GBX1: variants seen among roughly 807,000 people sequenced by gnomAD.
GBX1 encodes the protein homeobox protein GBX-1.
GBX1 carries 9 observed loss-of-function variants against 22.9 expected under a neutral mutation model. That is an observed-to-expected ratio of 0.39 (90% CI 0.24 to 0.69). The LOEUF is 0.69. Among genes scored for constraint, GBX1 ranks in the 30% least tolerant of loss-of-function variants. GBX1 has a pLI of 0.43. For missense variants in GBX1, 494 were observed against 509.2 expected (o/e 0.97, Z 0.29); for synonymous variants, 203 against 227.3 (o/e 0.89, Z 0.96).
intron 1 of GBX1, among the ~76,000 whole-genome samples, chr7:151,155,499 C>T (rs190279747): frequency 6.6e-6 from 1 of 152,270 alleles, no homozygotes; most frequent in East Asian, 1.9e-4. Context: ...TGCTCCTACT[C>T]CTGCCTATAA....
intron 1 of GBX1, 61 bp downstream of exon 1, chr7:151,166,950 C>T: frequency 1.3e-6 from 2 of 1,554,518 alleles, no homozygotes; most frequent in Non-Finnish European, 1.8e-6. Flanking sequence ...CGAGCAGGTT[C>T]CTGTCTGGAA....
At chr7:151,150,945 T>TGG (rs1297855186) in intron 1 of GBX1, among the ~76,000 whole-genome samples, 1 of 152,222 alleles carries the variant, frequency 6.6e-6, no homozygotes, top group Non-Finnish European at 1.5e-5. Context: ...TTGCCCAGGC[T>TGG]GGCCTTGAGC....
At chr7:151,163,791 G>A (rs762177712) in intron 1 of GBX1, among the ~76,000 whole-genome samples, 3 of 151,992 alleles carry the variant, frequency 2.0e-5, no homozygotes, top group East Asian at 1.9e-4. Context: ...CTAACAGTTC[G>A]GAATTCTCTC....
chr7:151,166,949 T>G, intron 1 of GBX1, 62 bp downstream of exon 1: 1 of 1,549,964 alleles, frequency 6.5e-7, no homozygotes, highest in Non-Finnish European at 8.8e-7. Context: ...CCGAGCAGGT[T>G]CCTGTCTGGA....
At chr7:151,159,934 G>A (rs1801173192) in intron 1 of GBX1, among the ~76,000 whole-genome samples, 1 of 152,066 alleles carries the variant, frequency 6.6e-6, no homozygotes, top group African/African-American at 2.4e-5. Context: ...CCCAATCCCA[G>A]AAGACAAGCC....
At chr7:151,152,066 A>G (rs565348194) in intron 1 of GBX1, among the ~76,000 whole-genome samples, 3 of 152,326 alleles carry the variant, frequency 2.0e-5, no homozygotes, top group Admixed American at 1.3e-4. Context: ...AATAGACTAT[A>G]GCTTCGTGAA....
At chr7:151,161,017 A>G (rs1439137029) in intron 1 of GBX1, among the ~76,000 whole-genome samples, 1 of 151,990 alleles carries the variant, frequency 6.6e-6, no homozygotes, top group Non-Finnish European at 1.5e-5. Flanking sequence ...TCTCTCTTTT[A>G]TACATCTACT....
chr7:151,154,330 A>G (rs534247184), intron 1 of GBX1, among the ~76,000 whole-genome samples: 12 of 152,360 alleles, frequency 7.9e-5, no homozygotes, highest in Non-Finnish European at 1.8e-4. Flanking sequence ...TGCATGAAAA[A>G]AATTTCCTAT....
chr7:151,156,384 T>TC (rs1554474800), intron 1 of GBX1, among the ~76,000 whole-genome samples: 3 of 8,024 alleles, frequency 3.7e-4, no homozygotes, highest in African/African-American at 6.6e-4. Context: ...AGACCCTGTC[T>TC]CAAAAAAAAA....
In GBX1 at chr7:151,166,928, G is replaced by A. The variant is rs544526359; in HGVS notation, c.538+83C>T. The A allele has an allele frequency of 9.3e-6, 13 of 1,400,944 alleles. No individual in the cohort carries two copies. The African/African-American group carries it at 1.9e-4, about 20-fold the overall frequency. 86.8% of individuals were successfully genotyped at this position (1,400,944 alleles called of 1,614,324 possible). The stretch of plus-strand genomic sequence containing the variant: ...TTCAAGGCTCCAGGCAGGTGCCGAG[G>A]TGCCGAGGTTCCGAGCAGGTTCCTG... On this transcript the variant is annotated intron_variant, in intron 1 of 1. Coordinates refer to ENST00000297537, the MANE Select transcript of GBX1 (RefSeq NM_001098834.3).
intron 1 of GBX1, among the ~76,000 whole-genome samples, chr7:151,166,770 G>A (rs1187439980): frequency 6.6e-6 from 1 of 152,270 alleles, no homozygotes; most frequent in African/African-American, 2.4e-5. Flanking sequence ...TAATGTGAAG[G>A]GAGCACTGCA....
intron 1 of GBX1, among the ~76,000 whole-genome samples, chr7:151,159,305 C>G (rs567536788): frequency 4.6e-5 from 7 of 152,032 alleles, no homozygotes; most frequent in East Asian, 1.9e-4. Context: ...AGGCTGGTCT[C>G]GAACTCCTAG....
intron 1 of GBX1, among the ~76,000 whole-genome samples, chr7:151,166,488 A>ACCCCC (rs1491154351): frequency 2.0e-5 from 1 of 50,350 alleles, no homozygotes; most frequent in Non-Finnish European, 3.4e-5. Flanking sequence ...CCCCCCCCCA[A>ACCCCC]CACACACACA....
In GBX1 at chr7:151,167,267, A is replaced by T; in HGVS notation, c.282T>A (p.Ala94=). Residue 94 remains alanine, a synonymous_variant, in exon 1 of 2, where the codon GCT becomes GCA. Coordinates refer to ENST00000297537, the MANE Select transcript of GBX1 (RefSeq NM_001098834.3). This position sits in a 1 kb window ranked among gnomAD's most constrained non-coding sequence, Gnocchi z 5.9. ...TNTFCAGLGQ[A]VPSMVALTTA... is the part of the protein sequence containing the mutation. ...TGGTCAGCGCCACCATCGAGGGCAC[A>T]GCCTGACCCAGCCCCGCGCAGAAGG... 6.5e-7 allele frequency: 1 copy of T among 1,545,666 alleles called. No individual in the cohort carries two copies. Among genetic ancestry groups the T allele is most frequent in the Non-Finnish European group, 8.7e-7 (1 of 1,148,456 alleles).
At position 151,167,409 on chromosome 7, in the gene GBX1, G is replaced by C; in HGVS notation, c.140C>G (p.Pro47Arg). Residue 47 changes from proline (P) to arginine (R), a missense_variant, in exon 1 of 2, where the codon CCC (proline) becomes CGC (arginine). Around this residue, in one of 3 missense-constraint regions of GBX1, gnomAD observed 365 missense variants for 340.4 expected, o/e 1.07. Transcript: ENST00000297537. This position sits in a 1 kb window ranked among gnomAD's most constrained non-coding sequence, Gnocchi z 5.9. ...RSGHLLYTGY[P>R]MFMPYRPLVL... is the part of the protein sequence containing the mutation. ...GAGCGGCCGGTAGGGCATGAACATG[G>C]GGTAGCCGGTGTACAGCAAGTGGCC... The C allele has an allele frequency of 6.6e-7, 1 of 1,520,592 alleles. No homozygotes were observed. Among genetic ancestry groups the C allele is most frequent in the Non-Finnish European group, 8.8e-7 (1 of 1,135,500 alleles). 94.2% of individuals were successfully genotyped at this position (1,520,592 alleles called of 1,614,324 possible).
intron 1 of GBX1, among the ~76,000 whole-genome samples, chr7:151,154,931 G>C (rs1341203030): frequency 6.6e-6 from 1 of 152,224 alleles, no homozygotes; most frequent in African/African-American, 2.4e-5. Context: ...GCCTGCGCTA[G>C]AGGCACCGAG....
chr7:151,165,223 T>G (rs1186604871), intron 1 of GBX1, among the ~76,000 whole-genome samples: 1 of 152,220 alleles, frequency 6.6e-6, no homozygotes, highest in Non-Finnish European at 1.5e-5. Context: ...TCAATGTCTG[T>G]TTTTATAGCC....
In GBX1 at chr7:151,167,694, T is replaced by C. The variant is rs1460894280; in HGVS notation, c.-146A>G. 1.9e-5 allele frequency: 15 copies of C among 795,114 alleles called. No homozygotes were observed. The highest frequency in any genetic ancestry group is 2.2e-5 in the Non-Finnish European group (14 of 637,562). The allele number at this position is 795,114 out of a possible 1,614,324, so 49.3% of individuals were successfully genotyped here. A position where few individuals can be genotyped will look rare whatever the true frequency, so the allele number is the denominator to read the frequency against. ...GGCGGGGCGCGGGCTCGGCGCAGTG[T>C]GGCTCCGGCGCCGCGCTCCCTCTCT... On this transcript the variant is annotated 5_prime_UTR_variant, in exon 1 of 2. Coordinates refer to ENST00000297537, the MANE Select transcript of GBX1 (RefSeq NM_001098834.3). The surrounding 1 kb of genome is among the most constrained non-coding windows in gnomAD (Gnocchi z 5.9).
At chr7:151,152,653 T>G (rs1485236004) in intron 1 of GBX1, among the ~76,000 whole-genome samples, 1 of 152,130 alleles carries the variant, frequency 6.6e-6, no homozygotes, top group African/African-American at 2.4e-5. Context: ...GGGTGTCCAA[T>G]AAATCTAAAT....
Sources: allele counts gnomAD v4.1 joint callset (sites outside exome capture counted in the v4.1 genomes callset), GRCh38; gene constraint gnomAD v4.1.1; regional missense constraint gnomAD v4.1.1; non-coding constraint Gnocchi (gnomAD v3.1); transcripts MANE v1.5; gene names NCBI Gene and HGNC (gene_info 2026-07-23, HGNC 2026-07-21).